The following SLC6A16 variants were observed in gnomAD, a reference collection of about 807,000 sequenced individuals.
The protein encoded by SLC6A16 is solute carrier family 6 member 16.
SLC6A16 carries 54 observed loss-of-function variants against 65.4 expected under a neutral mutation model. The observed-to-expected ratio is 0.83, with a 90% CI of 0.66 to 1.04. The LOEUF is 1.04. Among genes scored for constraint, SLC6A16 ranks in the 50% least tolerant of loss-of-function variants. The pLI is 0.00. For synonymous variants in SLC6A16, 330 were observed against 346.5 expected, an observed-to-expected ratio of 0.95 and a Z score of 0.53; for missense variants, 816 against 914.0, an observed-to-expected ratio of 0.89 and a Z score of 1.38.
At position 49,293,999 on chromosome 19, in the gene SLC6A16, C is replaced by G. The variant is rs372812283; in HGVS notation, c.1446G>C (p.Leu482=). The G allele has an allele frequency of 2.3e-5, 37 of 1,612,794 alleles. No individual in the cohort carries two copies. Among genetic ancestry groups the G allele is most frequent in the Non-Finnish European group, 3.1e-5 (36 of 1,180,010 alleles). ...KASEGPKFAF[L]SFVEAMSFLP... is the part of the protein sequence containing the mutation. ...GGAAGGACATGGCTTCAACAAAGGA[C>G]AGGAATGCAAACTTTGGGCCCTCGC... Residue 482 remains leucine (L), a synonymous_variant, in exon 9 of 12, where the codon CTG becomes CTC. Coordinates refer to ENST00000335875, the MANE Select transcript of SLC6A16 (RefSeq NM_014037.3).
chr19:49,296,042 T>C (rs1391543106), intron 7 of SLC6A16, among the ~76,000 whole-genome samples: 2 of 152,110 alleles, frequency 1.3e-5, no homozygotes, highest in African/African-American at 2.4e-5. Context: ...CAGGCTGGAG[T>C]GCATTGGTGC....
Position 49,290,312 on chromosome 19 carries a change from G to A in SLC6A16, c.2022C>T (p.Ile674=), listed in dbSNP as rs528652057. The change falls in exon 12 of 12, where the codon ATC becomes ATT. Residue 674 remains isoleucine, a synonymous_variant. Coordinates refer to ENST00000335875, the MANE Select transcript of SLC6A16 (RefSeq NM_014037.3). ...ITLFAIVILP[I]PAYFVYCRIH... ...TGCGGCAGTATACAAAGTATGCAGG[G>A]ATGGGGAGGATGACAATGGCAAAAA... 1 of 1,614,124 alleles carries A rather than the reference G, an allele frequency of 6.2e-7. No individual in the cohort carries two copies. The highest frequency in any genetic ancestry group is 2.2e-5 in the East Asian group (1 of 44,880).
At chr19:49,305,979 T>C (rs986392121) in intron 7 of SLC6A16, 1 of 152,184 alleles carries the variant, frequency 6.6e-6, no homozygotes, top group African/African-American at 2.4e-5. Context: ...TATATTCATA[T>C]ACTGAAACAT....
At chr19:49,320,428 C>CAAAAAA (rs756447935) in intron 1 of SLC6A16, among the ~76,000 whole-genome samples, 20 of 142,958 alleles carry the variant, frequency 1.4e-4, no homozygotes, top group African/African-American at 2.9e-4. Context: ...AACAAACAAA[C>CAAAAAA]AAAAAAAAAC....
the SLC6A16 span, chr19:49,331,780 A>G: frequency 2.2e-6 from 1 of 457,218 alleles, no homozygotes; most frequent in African/African-American, 2.0e-5. Flanking sequence ...GACCAGTCAC[A>G]TGGCCTCAAC....
chr19:49,309,453 G>C (rs200748418), intron 5 of SLC6A16, 42 bp from the exon 6 acceptor site: 1 of 1,483,670 alleles, frequency 6.7e-7, no homozygotes, highest in East Asian at 2.3e-5. Context: ...TGTACCAGTA[G>C]GGGTCAACCA....
At chr19:49,296,030 C>T (rs1970179123) in intron 7 of SLC6A16, among the ~76,000 whole-genome samples, 1 of 152,150 alleles carries the variant, frequency 6.6e-6, no homozygotes, top group Non-Finnish European at 1.5e-5. Flanking sequence ...CGCTCTGTCG[C>T]CCAGGCTGGA....
upstream of SLC6A16, among the ~76,000 whole-genome samples, chr19:49,329,757 C>T (rs1345999357): frequency 1.3e-5 from 2 of 151,234 alleles, no homozygotes; most frequent in Admixed American, 1.3e-4. Flanking sequence ...CTCAGCCTCC[C>T]GAATAGCTGG....
chr19:49,336,015 C>G, the SLC6A16 span: 7 of 578,480 alleles, frequency 1.2e-5, no homozygotes, highest in African/African-American at 1.3e-4. Flanking sequence ...TCCTATCTGT[C>G]GGGACTTGTG....
intron 2 of SLC6A16, 54 bp downstream of exon 2, chr19:49,310,879 G>C: frequency 7.7e-7 from 1 of 1,293,102 alleles, no homozygotes; most frequent in Non-Finnish European, 1.1e-6. Context: ...GCCTGGACAG[G>C]ACTCTGTCCT....
rs1197210806 is a variant in SLC6A16 at position 49,290,118 on chromosome 19, T to C, written c.*5A>G. The C allele has an allele frequency of 6.2e-7, 1 of 1,612,884 alleles. No individual in the cohort carries two copies. The highest frequency in any genetic ancestry group is 1.1e-5 in the South Asian group (1 of 91,014). ...GATATGTTATGTGAAGCCAAATTAA[T>C]GAAGTTAGGAAGTCACATTACAAGT... On this transcript the variant is annotated 3_prime_UTR_variant, in exon 12 of 12. Transcript: ENST00000335875.
chr19:49,338,621 A>C, the SLC6A16 span: 1 of 1,056,144 alleles, frequency 9.5e-7, no homozygotes. This position sits in a 1 kb window ranked among gnomAD's most constrained non-coding sequence, Gnocchi z 5.0. Context: ...ACCTGACCTC[A>C]TACCCATCAC....
In SLC6A16 at chr19:49,310,470, G is replaced by A. The variant is rs374543770; in HGVS notation, c.456C>T (p.Val152=). Residue 152 remains valine (V), a synonymous_variant, in exon 3 of 12, where the codon GTC becomes GTT. Coordinates refer to ENST00000335875, the MANE Select transcript of SLC6A16 (RefSeq NM_014037.3). ...TCTCCAGGAAGAGAAGAGGAACCCC[G>A]ACCAGGAACAGCATGAAGATGTAGA... ...AAIYIFMLFL[V]GVPLLFLEMA... The A allele has an allele frequency of 4.0e-4, 643 of 1,614,004 alleles. No homozygotes were observed. The highest frequency in any genetic ancestry group is 4.8e-4 in the Non-Finnish European group (563 of 1,180,012).
At chr19:49,317,448 A>G (rs748996809) in intron 1 of SLC6A16, among the ~76,000 whole-genome samples, 41 of 152,150 alleles carry the variant, frequency 2.7e-4, no homozygotes, top group African/African-American at 2.4e-5. Context: ...GGGGAGAAGA[A>G]ATTTCCACTT....
rs572597236 is a variant in SLC6A16 at position 49,294,140 on chromosome 19, C to T, written c.1417-112G>A. ...GGAAAACTCCTGAAAATCCCTGGATCACTGAGAAAATCAGATGTCCAAGCT... is the reference window on the plus strand; with the variant it reads ...GGAAAACTCCTGAAAATCCCTGGATTACTGAGAAAATCAGATGTCCAAGCT... On this transcript the variant is annotated intron_variant, in intron 8 of 11. Transcript: ENST00000335875. 2.2e-4 allele frequency: 222 copies of T among 1,020,144 alleles called. No individual in the cohort carries two copies. In the South Asian group the frequency reaches 3.3e-3, roughly 15 times the overall value. 63.2% of individuals were successfully genotyped at this position (1,020,144 alleles called of 1,614,324 possible).
chr19:49,328,889 A>G (rs1970822789), upstream of SLC6A16, among the ~76,000 whole-genome samples: 1 of 152,208 alleles, frequency 6.6e-6, no homozygotes, highest in Admixed American at 6.5e-5. Context: ...ATATAAGAGA[A>G]GAGCTGAAAT....
chr19:49,328,845 G>A (rs975615426), upstream of SLC6A16, among the ~76,000 whole-genome samples: 3 of 152,118 alleles, frequency 2.0e-5, no homozygotes, highest in Non-Finnish European at 1.5e-5. Context: ...GTCACCATAC[G>A]GTGAGGACAC....
upstream of SLC6A16, among the ~76,000 whole-genome samples, chr19:49,327,332 C>A (rs1970809969): frequency 6.6e-6 from 1 of 152,176 alleles, no homozygotes; most frequent in South Asian, 2.1e-4. Flanking sequence ...AGGTGATCCG[C>A]CCGCCTCAGC....
At chr19:49,320,079 AG>A (rs1011557292) in intron 1 of SLC6A16, among the ~76,000 whole-genome samples, 1 of 152,150 alleles carries the variant, frequency 6.6e-6, no homozygotes, top group Non-Finnish European at 1.5e-5. Flanking sequence ...AGCAATGCCA[AG>A]GGGGAAATTT....
Sources: gnomAD v4.1 joint callset for allele counts (sites outside exome capture counted in the v4.1 genomes callset) on GRCh38, gnomAD v4.1.1 for gene constraint, Gnocchi (gnomAD v3.1) non-coding constraint, MANE v1.5 for transcripts, NCBI Gene and HGNC (gene_info 2026-07-23, HGNC 2026-07-21) for gene names.